Variants in RBM44 observed in about 807,000 individuals in gnomAD.
The protein encoded by RBM44 is RNA binding motif protein 44.
RBM44 carries 66 observed loss-of-function variants against 105.1 expected under a neutral mutation model. That is an observed-to-expected ratio of 0.63 (90% CI 0.52 to 0.77). The LOEUF is 0.77. Ranked by LOEUF, RBM44 falls within the 30% of genes least tolerant of loss-of-function variation. The pLI is 0.00. For synonymous variants in RBM44, 365 were observed against 417.6 expected (o/e 0.87, Z 1.54); for missense variants, 1,122 against 1,207.8 (o/e 0.93, Z 1.05).
intron 2 of RBM44, among the ~76,000 whole-genome samples, 192 bp downstream of exon 2, chr2:237,813,874 T>A (rs2061685235): frequency 6.6e-6 from 1 of 152,198 alleles, no homozygotes; most frequent in Non-Finnish European, 1.5e-5. Flanking sequence ...AGGCAGGACC[T>A]TTCTTTAGGA....
intron 2 of RBM44, among the ~76,000 whole-genome samples, chr2:237,814,865 T>C (rs181007862): frequency 4.5e-4 from 67 of 148,516 alleles, no homozygotes; most frequent in African/African-American, 1.5e-3. Flanking sequence ...TAATACTCTG[T>C]GTAGTGTAAA....
intron 1 of RBM44, among the ~76,000 whole-genome samples, chr2:237,808,447 C>G (rs931553348): frequency 2.0e-5 from 3 of 151,278 alleles, no homozygotes; most frequent in African/African-American, 7.3e-5. Flanking sequence ...AAGGCCCTGT[C>G]CCCTCACCCT....
At position 237,834,293 on chromosome 2, in the gene RBM44, T is replaced by C. The variant is rs1321627089; in HGVS notation, c.3048T>C (p.Asn1016=). Residue 1016 remains asparagine, a synonymous_variant, in exon 15 of 16, where the codon AAT becomes AAC. Coordinates refer to ENST00000316997, the MANE Select transcript of RBM44 (RefSeq NM_001080504.3). ...TTTTTCATAGAGACCATATTATAAA[T>C]GCACTTCAGGAAGTGAGAATAAGAC... ...HPEVSRDHII[N]ALQEVRIRHK... 3.2e-6 allele frequency: 5 copies of C among 1,579,610 alleles called. No individual in the cohort carries two copies. The highest frequency in any genetic ancestry group is 4.3e-6 in the Non-Finnish European group (5 of 1,163,264).
intron 2 of RBM44, among the ~76,000 whole-genome samples, chr2:237,814,434 A>C (rs988396675): frequency 6.6e-6 from 1 of 152,174 alleles, no homozygotes; most frequent in African/African-American, 2.4e-5. Context: ...ATCTAGGGAA[A>C]GGCTACTGGA....
chr2:237,822,101 C>CAATGAGGTTGA (rs1393064803), intron 8 of RBM44, among the ~76,000 whole-genome samples: 1 of 151,966 alleles, frequency 6.6e-6, no homozygotes, highest in Non-Finnish European at 1.5e-5. Context: ...TAATTCTCTA[C>CAATGAGGTTGA]AACAGTTGGT....
In RBM44 at chr2:237,818,729, GAGTAAATTAAAA is replaced by G. The variant is rs2061750545; in HGVS notation, c.1677+147_1678-147del. On this transcript the variant is annotated intron_variant, in intron 3 of 15. Coordinates refer to ENST00000316997, the MANE Select transcript of RBM44 (RefSeq NM_001080504.3). This position sits in a 1 kb window ranked among gnomAD's most constrained non-coding sequence, Gnocchi z 4.6. The stretch of plus-strand genomic sequence containing the variant: ...AGATGAGGGGAGTAAATTAAAAAGG[GAGTAAATTAAAA>G]AGTAAATTAAAAAAAAAAGACGTGT... 1.2e-5 allele frequency: 8 copies of G among 695,496 alleles called. No individual in the cohort carries two copies. The East Asian group carries it at 2.3e-4, about 20-fold the overall frequency. 43.1% of individuals were successfully genotyped at this position (695,496 alleles called of 1,614,324 possible). A position where few individuals can be genotyped will look rare whatever the true frequency, so the allele number is the denominator to read the frequency against.
At chr2:237,834,924 G>A (rs2061943169) in intron 15 of RBM44, 1 of 152,442 alleles carries the variant, frequency 6.6e-6, no homozygotes, top group East Asian at 1.9e-4. Context: ...GCATTGTCTT[G>A]TATTATCTAC....
intron 1 of RBM44, chr2:237,799,154 T>C (rs1199223324): frequency 6.6e-6 from 1 of 151,876 alleles, no homozygotes; most frequent in Non-Finnish European, 1.5e-5. Flanking sequence ...CTCCCAAACT[T>C]GGTTATGTCC....
chr2:237,833,744 A>C (rs2061926339), intron 13 of RBM44, among the ~76,000 whole-genome samples: 1 of 152,152 alleles, frequency 6.6e-6, no homozygotes, highest in Non-Finnish European at 1.5e-5. Flanking sequence ...TCTGGTTGAG[A>C]AAGCCTTATT....
intron 12 of RBM44, among the ~76,000 whole-genome samples, chr2:237,828,047 T>C (rs1169728420): frequency 6.6e-6 from 1 of 152,184 alleles, no homozygotes; most frequent in Non-Finnish European, 1.5e-5. Context: ...TTTCACTGTT[T>C]CTGATTTCAG....
intron 1 of RBM44, among the ~76,000 whole-genome samples, chr2:237,810,245 C>T (rs2061643189): frequency 6.6e-6 from 1 of 152,204 alleles, no homozygotes; most frequent in Admixed American, 6.5e-5. Flanking sequence ...CAATGCAGCT[C>T]TAGGTAATTT....
chr2:237,804,145 T>G (rs2061575562), intron 1 of RBM44, among the ~76,000 whole-genome samples: 1 of 152,192 alleles, frequency 6.6e-6, no homozygotes, highest in Non-Finnish European at 1.5e-5. Context: ...GCTGGGATTA[T>G]AGGCGTGCGC....
intron 1 of RBM44, among the ~76,000 whole-genome samples, chr2:237,800,164 GTCA>G (rs67772658): frequency 0.024 from 3,694 of 152,134 alleles, 142 homozygotes; most frequent in African/African-American, 0.082. Flanking sequence ...TATTGTTATT[GTCA>G]TCCTAGTGGG....
chr2:237,818,676 T>A lies in RBM44; in HGVS notation c.1677+80T>A, dbSNP rs1362578552. On this transcript the variant is annotated intron_variant, in intron 3 of 15. Transcript: ENST00000316997. The surrounding 1 kb of genome is among the most constrained non-coding windows in gnomAD (Gnocchi z 4.6). ...GCTAATGTAAGTGTTTTTGGTTCGT[T>A]GAATTAAGGCTTTTGTGAGAAGATG... The A allele has an allele frequency of 1.0e-6, 1 of 984,808 alleles. No individual in the cohort carries two copies. Among genetic ancestry groups the A allele is most frequent in the Non-Finnish European group, 1.4e-6 (1 of 691,470 alleles). The allele number at this position is 984,808 out of a possible 1,614,324, so 61.0% of individuals were successfully genotyped here. A position where few individuals can be genotyped will look rare whatever the true frequency, so the allele number is the denominator to read the frequency against.
Position 237,818,474 on chromosome 2 carries a change from G to T in RBM44, c.1555G>T (p.Ala519Ser), listed in dbSNP as rs750253825. The change falls in exon 3 of 16, where the codon GCT becomes TCT. Residue 519 changes from alanine (A) to serine (S), a missense_variant. By Grantham distance (99) the Ala-to-Ser change is moderately conservative. This residue lies in a region of RBM44 where 918 missense variants were observed against 955.3 expected (regional missense o/e 0.96). Coordinates refer to ENST00000316997, the MANE Select transcript of RBM44 (RefSeq NM_001080504.3). This position sits in a 1 kb window ranked among gnomAD's most constrained non-coding sequence, Gnocchi z 4.6. The part of the protein sequence containing the change: ...EWQNEKQKSV[A>S]CSTDWSYSED... ...GCAAAATGAGAAACAAAAAAGTGTG[G>T]CTTGTAGTACAGATTGGTCATACAG... 5 of 1,612,846 alleles carry T rather than the reference G, an allele frequency of 3.1e-6. No individual in the cohort carries two copies. Among genetic ancestry groups the T allele is most frequent in the Non-Finnish European group, 4.2e-6 (5 of 1,179,390 alleles).
rs754573219 is a variant in RBM44 at position 237,817,811 on chromosome 2, G to T, written c.892G>T (p.Val298Leu). ...GTACCACACTGTATTTGATGGCAGT[G>T]TACTAAGAAGCAATTCTCCAGGAAA... ...SMYHTVFDGS[V>L]LRSNSPGNQE... Residue 298 changes from valine to leucine, a missense_variant, in exon 3 of 16, where the codon GTA becomes TTA. Physicochemically the swap from Val to Leu is conservative, Grantham distance 32. Coordinates refer to ENST00000316997, the MANE Select transcript of RBM44 (RefSeq NM_001080504.3). 5.6e-6 allele frequency: 9 copies of T among 1,612,222 alleles called. No individual in the cohort carries two copies. In the Admixed American group the frequency reaches 1.2e-4, roughly 21 times the overall value.
intron 12 of RBM44, among the ~76,000 whole-genome samples, chr2:237,828,380 C>T (rs2061870165): frequency 6.6e-6 from 1 of 152,026 alleles, no homozygotes; most frequent in African/African-American, 2.4e-5. Context: ...AATTATTTAA[C>T]CTGTTGATAT....
Position 237,817,566 on chromosome 2 carries a change from T to C in RBM44, c.647T>C (p.Val216Ala), listed in dbSNP as rs767133817. The change falls in exon 3 of 16, where the codon GTT (valine) becomes GCT (alanine). Residue 216 changes from valine to alanine, a missense_variant. By Grantham distance (64) the Val-to-Ala change is moderately conservative. Around this residue, in one of 3 missense-constraint regions of RBM44, gnomAD observed 918 missense variants for 955.3 expected, o/e 0.96. Transcript: ENST00000316997. Reference protein sequence around the residue: ...TKALDISNPEVVELGNSGYEV... With the variant: ...TKALDISNPEAVELGNSGYEV... Reference sequence around the variant, plus strand: ...GCATTAGATATATCTAATCCAGAAGTTGTTGAATTAGGAAATTCGGGTTAT... The same window carrying C: ...GCATTAGATATATCTAATCCAGAAGCTGTTGAATTAGGAAATTCGGGTTAT... 61 of 1,612,286 alleles carry C rather than the reference T, an allele frequency of 3.8e-5. No individual in the cohort carries two copies. The highest frequency in any genetic ancestry group is 5.0e-5 in the Admixed American group (3 of 59,742).
chr2:237,821,878 C>T (rs568344124), intron 8 of RBM44, 51 bp downstream of exon 8: 58 of 1,242,300 alleles, frequency 4.7e-5, no homozygotes, highest in East Asian at 1.9e-4. Context: ...GTATGGTTTA[C>T]GTAAAGTAAA....
Sources: gnomAD v4.1 joint callset for allele counts (sites outside exome capture counted in the v4.1 genomes callset) on GRCh38, gnomAD v4.1.1 for gene constraint, gnomAD v4.1.1 regional missense constraint, Gnocchi (gnomAD v3.1) non-coding constraint, MANE v1.5 for transcripts, NCBI Gene and HGNC (gene_info 2026-07-23, HGNC 2026-07-21) for gene names.